The following NALCN variants were observed in gnomAD, a reference collection of about 807,000 sequenced individuals.
The protein encoded by NALCN is sodium leak channel, non-selective.
NALCN carries 111 observed loss-of-function variants against 225.3 expected under a neutral mutation model. The observed-to-expected ratio is 0.49, with a 90% CI of 0.42 to 0.58. The LOEUF is 0.58. Ranked by LOEUF, NALCN falls within the 20% of genes least tolerant of loss-of-function variation. NALCN has a pLI of 0.00. For synonymous variants in NALCN, 764 were observed against 769.0 expected (o/e 0.99, Z 0.11); for missense variants, 1,378 against 2,202.4 (o/e 0.63, Z 7.49).
intron 15 of NALCN, among the ~76,000 whole-genome samples, chr13:101,146,986 G>A (rs1474958653): frequency 6.6e-6 from 1 of 152,212 alleles, no homozygotes; most frequent in Non-Finnish European, 1.5e-5. Flanking sequence ...ACGGGCAGCA[G>A]AATAGACACA....
intron 7 of NALCN, among the ~76,000 whole-genome samples, chr13:101,335,350 A>C (rs1308723307): frequency 6.6e-6 from 1 of 152,072 alleles, no homozygotes; most frequent in Non-Finnish European, 1.5e-5. Context: ...GAACCTGAGA[A>C]ACCTAAAGAC....
intron 40 of NALCN, 109 bp from the exon 41 acceptor site, chr13:101,062,227 T>C: frequency 1.5e-6 from 2 of 1,308,238 alleles, no homozygotes; most frequent in Non-Finnish European, 1.0e-6. Flanking sequence ...AAGTCTAGTG[T>C]TTTGACGCCA....
intron 1 of NALCN, among the ~76,000 whole-genome samples, chr13:101,401,958 T>C (rs2047490339): frequency 6.6e-6 from 1 of 152,234 alleles, no homozygotes; most frequent in Non-Finnish European, 1.5e-5. Flanking sequence ...TGGTTGATTG[T>C]AATAATTTTC....
intron 9 of NALCN, among the ~76,000 whole-genome samples, chr13:101,289,463 G>C (rs1594611027): frequency 6.6e-6 from 1 of 151,714 alleles, no homozygotes; most frequent in East Asian, 1.9e-4. Flanking sequence ...GTCCCTGTCA[G>C]AGCCAGTTCC....
At position 101,415,206 on chromosome 13, in the gene NALCN, C is replaced by CATATAT. The variant is rs1278371508; in HGVS notation, c.-40+1106_-40+1107insATATAT. On this transcript the variant is annotated intron_variant, in intron 1 of 43. Coordinates refer to ENST00000251127, the MANE Select transcript of NALCN (RefSeq NM_052867.4). The stretch of plus-strand genomic sequence containing the variant: ...TGTAGTTATGAACATACAAATCACA[C>CATATAT]ACATATATATATATATATACATACA... Among the ~76,000 whole-genome samples, 23 of 104,814 alleles carry CATATAT rather than the reference C, an allele frequency of 2.2e-4. 1 individual carries two copies. The highest frequency in any genetic ancestry group is 3.1e-4 in the African/African-American group (6 of 19,462). 68.8% of individuals were successfully genotyped at this position (104,814 alleles called of 152,430 possible).
rs1289556 is a variant in NALCN, at chr13:101,067,948, T to G, written c.4416A>C (p.Ile1472=). The G allele has an allele frequency of 0.36, 586,166 of 1,610,586 alleles. 114,351 individuals carry two copies. Among genetic ancestry groups the G allele is most frequent in the African/African-American group, 0.72 (53,912 of 74,846 alleles). ...LSYNDLRHFQ[I]IWNMVDDKRE... is the part of the protein sequence containing the mutation. ...TTTTATCATCCACCATGTTCCATAT[T>G]ATTTGAAAGTGGCGAAGATCATTGT... is the stretch of plus-strand genomic sequence containing the variant. The change falls in exon 39 of 44, where the codon ATA becomes ATC. Residue 1472 remains isoleucine (I), a synonymous_variant. Coordinates refer to ENST00000251127, the MANE Select transcript of NALCN (RefSeq NM_052867.4).
intron 10 of NALCN, among the ~76,000 whole-genome samples, chr13:101,270,625 A>G (rs912179696): frequency 6.6e-6 from 1 of 152,232 alleles, no homozygotes; most frequent in African/African-American, 2.4e-5. Flanking sequence ...GTATTTAGGA[A>G]AAACATTAAA....
At chr13:101,334,363 TA>T (rs1566587370) in intron 7 of NALCN, among the ~76,000 whole-genome samples, 1 of 138,110 alleles carries the variant, frequency 7.2e-6, no homozygotes, top group Non-Finnish European at 1.5e-5. Flanking sequence ...GAGATGGGGG[TA>T]GGGGGAGCGG....
At chr13:101,088,690 G>T (rs1359241950) in intron 30 of NALCN, among the ~76,000 whole-genome samples, 2 of 152,126 alleles carry the variant, frequency 1.3e-5, no homozygotes, top group African/African-American at 2.4e-5. Context: ...AAACAATAGA[G>T]GGCATAGCTC....
intron 18 of NALCN, among the ~76,000 whole-genome samples, chr13:101,115,504 C>A (rs1347492479): frequency 6.6e-6 from 1 of 152,168 alleles, no homozygotes; most frequent in Non-Finnish European, 1.5e-5. Context: ...AAATTTGAGA[C>A]TTCCAATATT....
chr13:101,149,908 G>C (rs1671737353), intron 15 of NALCN, among the ~76,000 whole-genome samples: 1 of 152,204 alleles, frequency 6.6e-6, no homozygotes, highest in Non-Finnish European at 1.5e-5. Context: ...TCCTCTCCTA[G>C]GTGCGTGCCT....
intron 12 of NALCN, among the ~76,000 whole-genome samples, chr13:101,237,041 T>C (rs556313485): frequency 2.0e-5 from 3 of 151,952 alleles, no homozygotes; most frequent in South Asian, 2.1e-4. Context: ...TAGAATACCA[T>C]GTAGACATAT....
chr13:101,159,831 G>A (rs906833483), intron 15 of NALCN, among the ~76,000 whole-genome samples: 7 of 152,144 alleles, frequency 4.6e-5, no homozygotes, highest in Non-Finnish European at 7.4e-5. Context: ...AGGGCACACC[G>A]GATCTAAAGA....
intron 7 of NALCN, among the ~76,000 whole-genome samples, chr13:101,338,935 C>T (rs990510450): frequency 2.0e-5 from 3 of 152,252 alleles, no homozygotes; most frequent in African/African-American, 7.2e-5. Flanking sequence ...CCCACTCACT[C>T]TGACTCTCAG....
intron 6 of NALCN, among the ~76,000 whole-genome samples, chr13:101,346,755 A>G (rs1236743342): frequency 6.6e-6 from 1 of 152,174 alleles, no homozygotes; most frequent in Admixed American, 6.6e-5. Flanking sequence ...TGCTGACTGT[A>G]GACTCTCATT....
chr13:101,407,515 T>C (rs2047657871), intron 1 of NALCN, among the ~76,000 whole-genome samples: 1 of 152,216 alleles, frequency 6.6e-6, no homozygotes, highest in African/African-American at 2.4e-5. Flanking sequence ...AGAAGCAAGC[T>C]TAGACATTAT....
chr13:101,314,810 G>T (rs1433138233), intron 7 of NALCN, among the ~76,000 whole-genome samples: 1 of 152,170 alleles, frequency 6.6e-6, no homozygotes, highest in Non-Finnish European at 1.5e-5. Flanking sequence ...CTGTACAAAG[G>T]CAGGTGAGCA....
chr13:101,273,561 T>A (rs2042870068), intron 10 of NALCN, among the ~76,000 whole-genome samples: 1 of 152,190 alleles, frequency 6.6e-6, no homozygotes, highest in Non-Finnish European at 1.5e-5. Context: ...ATATCTTAAA[T>A]TTTTATTTAG....
chr13:101,221,307 CAG>C (rs1287474568), intron 13 of NALCN, among the ~76,000 whole-genome samples: 4 of 152,098 alleles, frequency 2.6e-5, no homozygotes, highest in Non-Finnish European at 5.9e-5. Flanking sequence ...TTAGTAGAGA[CAG>C]GGTTCCACCA....
Sources: allele counts gnomAD v4.1 joint callset (sites outside exome capture counted in the v4.1 genomes callset), GRCh38; gene constraint gnomAD v4.1.1; transcripts MANE v1.5; gene names NCBI Gene and HGNC (gene_info 2026-07-23, HGNC 2026-07-21).